ROCK2: variants seen among roughly 807,000 people sequenced by gnomAD.
ROCK2 encodes rho-associated protein kinase 2.
A neutral mutation model predicts 195.1 loss-of-function variants in ROCK2; 61 were observed. That is an observed-to-expected ratio of 0.31 (90% CI 0.25 to 0.39). The LOEUF (loss-of-function observed/expected upper bound fraction) is 0.39. Ranked by LOEUF, ROCK2 falls within the 10% of genes least tolerant of loss-of-function variation. The probability of loss-of-function intolerance (pLI) is 1.00; values close to 1 mark genes in which losing one functional copy is unlikely to be tolerated. For synonymous variants in ROCK2, 504 were observed against 545.5 expected, an observed-to-expected ratio of 0.92 and a Z score of 1.06; for missense variants, 1,109 against 1,637.4, an observed-to-expected ratio of 0.68 and a Z score of 5.57.
At chr2:11,251,079 G>T (rs1055662580) in intron 3 of ROCK2, among the ~76,000 whole-genome samples, 2 of 152,086 alleles carry the variant, frequency 1.3e-5, no homozygotes, top group African/African-American at 2.4e-5. Flanking sequence ...CCCTTCTGCT[G>T]CCAGCATATT....
At chr2:11,286,923 GAC>G (rs1330237830) in intron 2 of ROCK2, among the ~76,000 whole-genome samples, 1 of 152,114 alleles carries the variant, frequency 6.6e-6, no homozygotes, top group East Asian at 1.9e-4. Flanking sequence ...GATGATAGCT[GAC>G]ACAGTGATGA....
intron 12 of ROCK2, among the ~76,000 whole-genome samples, chr2:11,216,456 A>G (rs1440039553): frequency 6.6e-6 from 1 of 151,174 alleles, no homozygotes; most frequent in Non-Finnish European, 1.5e-5. Flanking sequence ...AAGTGTTGGG[A>G]TTACAGGCGT....
At chr2:11,215,767 TA>T in intron 13 of ROCK2, 122 bp from the exon 14 acceptor site, 1 of 738,534 alleles carries the variant, frequency 1.4e-6, no homozygotes, top group Non-Finnish European at 2.1e-6. Flanking sequence ...GCTTTTTTGT[TA>T]AAACTGTAAT....
chr2:11,308,537 A>T, intron 1 of ROCK2: 1 of 1,543,876 alleles, frequency 6.5e-7, no homozygotes, highest in Non-Finnish European at 9.0e-7. Context: ...CACTATCAGA[A>T]TTGAGAAAAC....
At chr2:11,254,458 CAT>C (rs1226525165) in intron 3 of ROCK2, among the ~76,000 whole-genome samples, 8 of 152,114 alleles carry the variant, frequency 5.3e-5, no homozygotes, top group African/African-American at 1.9e-4. Flanking sequence ...CTAGAAGTCA[CAT>C]GTGTGTACTT....
At chr2:11,295,325 T>TA (rs574919462) in intron 1 of ROCK2, among the ~76,000 whole-genome samples, 340 of 152,164 alleles carry the variant, frequency 2.2e-3, no homozygotes, top group African/African-American at 8.0e-3. Flanking sequence ...CAGATAAAAT[T>TA]AGAGTTGTTA....
At chr2:11,288,460 T>C (rs1449390852) in intron 1 of ROCK2, among the ~76,000 whole-genome samples, 1 of 152,162 alleles carries the variant, frequency 6.6e-6, no homozygotes, top group Non-Finnish European at 1.5e-5. Context: ...CTGTGGAAGG[T>C]AGGAGGAAAC....
chr2:11,220,958 G>A (rs1664618181), intron 9 of ROCK2, among the ~76,000 whole-genome samples: 1 of 152,110 alleles, frequency 6.6e-6, no homozygotes, highest in Non-Finnish European at 1.5e-5. Context: ...TTCAAAAATA[G>A]GTATTTGTTT....
chr2:11,270,004 T>C (rs1032911514), intron 3 of ROCK2, among the ~76,000 whole-genome samples: 1 of 152,212 alleles, frequency 6.6e-6, no homozygotes, highest in Non-Finnish European at 1.5e-5. Context: ...TCCTTCCACC[T>C]TGGCCTCCCA....
intron 32 of ROCK2, 72 bp from the exon 33 acceptor site, chr2:11,183,512 G>T: frequency 8.7e-7 from 1 of 1,152,784 alleles, no homozygotes; most frequent in Non-Finnish European, 1.3e-6. Context: ...CCTAGAAAAA[G>T]CATTCCATTC....
At chr2:11,205,170 G>C (rs925964597) in intron 20 of ROCK2, among the ~76,000 whole-genome samples, 1 of 152,190 alleles carries the variant, frequency 6.6e-6, no homozygotes, top group African/African-American at 2.4e-5. Flanking sequence ...CTGTAGAGGA[G>C]AATGCTCTGA....
intron 3 of ROCK2, among the ~76,000 whole-genome samples, chr2:11,282,168 T>G (rs888813046): frequency 5.9e-5 from 9 of 151,970 alleles, no homozygotes; most frequent in African/African-American, 2.2e-4. Context: ...CTGGGCAGCA[T>G]AGCAAAACCC....
At chr2:11,318,392 T>C (rs1441970294) in intron 1 of ROCK2, among the ~76,000 whole-genome samples, 7 of 152,232 alleles carry the variant, frequency 4.6e-5, no homozygotes, top group African/African-American at 2.4e-5. Flanking sequence ...CATGTGTCTG[T>C]TGGCTGCATA....
At chr2:11,331,763 A>G (rs1407035240) in intron 1 of ROCK2, among the ~76,000 whole-genome samples, 1 of 152,060 alleles carries the variant, frequency 6.6e-6, no homozygotes, top group Non-Finnish European at 1.5e-5. Flanking sequence ...TGTCTCTGCT[A>G]AAAATACAAA....
intron 3 of ROCK2, among the ~76,000 whole-genome samples, chr2:11,254,350 T>C (rs1302560256): frequency 2.0e-5 from 3 of 152,156 alleles, no homozygotes; most frequent in African/African-American, 7.2e-5. Context: ...TAATTGCATG[T>C]TTCTGCTGAG....
intron 2 of ROCK2, among the ~76,000 whole-genome samples, 197 bp downstream of exon 2, chr2:11,287,458 C>T (rs912376712): frequency 6.6e-6 from 1 of 152,116 alleles, no homozygotes; most frequent in Non-Finnish European, 1.5e-5. Context: ...ATCTGCTTTG[C>T]ATATTGTAAT....
intron 23 of ROCK2, among the ~76,000 whole-genome samples, chr2:11,200,504 T>G (rs1663812063): frequency 6.6e-6 from 1 of 152,182 alleles, no homozygotes; most frequent in African/African-American, 2.4e-5. Context: ...CTGGCCTCCC[T>G]TTTCATTTCC....
chr2:11,275,184 G>A (rs1666781027), intron 3 of ROCK2, among the ~76,000 whole-genome samples: 1 of 151,738 alleles, frequency 6.6e-6, no homozygotes, highest in African/African-American at 2.4e-5. Context: ...TTGAACCCGG[G>A]AGGCAGAGGT....
chr2:11,219,336 CAAAAA>C (rs35159426), intron 9 of ROCK2, among the ~76,000 whole-genome samples: 8 of 67,378 alleles, frequency 1.2e-4, no homozygotes, highest in Non-Finnish European at 1.5e-4. Context: ...CTTATCTCTA[CAAAAA>C]AAAAAAAAAA....
Sources: gnomAD v4.1 joint callset for allele counts (sites outside exome capture counted in the v4.1 genomes callset) on GRCh38, gnomAD v4.1.1 for gene constraint, MANE v1.5 for transcripts, NCBI Gene and HGNC (gene_info 2026-07-23, HGNC 2026-07-21) for gene names.